The following UBR1 variants were observed in gnomAD, a reference collection of about 807,000 sequenced individuals.
UBR1 encodes ubiquitin protein ligase E3 component n-recognin 1.
In UBR1, 102 loss-of-function variants were observed where a neutral mutation model predicts 242.1. The ratio of observed to expected loss-of-function variants is 0.42; its 90% CI spans 0.36 to 0.50. UBR1 has a LOEUF of 0.50. Among genes scored for constraint, UBR1 ranks in the 20% least tolerant of loss-of-function variants. The pLI is 0.01. For synonymous variants in UBR1, 675 were observed against 684.8 expected (o/e 0.99, Z 0.22); for missense variants, 1,772 against 2,101.8 (o/e 0.84, Z 3.07).
intron 2 of UBR1, among the ~76,000 whole-genome samples, chr15:43,083,376 A>AT (rs141045757): frequency 0.037 from 5,621 of 151,604 alleles, 151 homozygotes; most frequent in Non-Finnish European, 0.052. Flanking sequence ...CAGGATTATT[A>AT]TTTTTTTTTC....
intron 41 of UBR1, 110 bp from the exon 42 acceptor site, chr15:42,964,153 G>C (rs945795036): frequency 1.9e-5 from 15 of 793,422 alleles, no homozygotes; most frequent in East Asian, 2.9e-5. Context: ...CCTTGTAGAG[G>C]GTATATTGCT....
Position 42,954,575 on chromosome 15 carries a change from T to C in UBR1, c.4836-2127A>G, listed in dbSNP as rs2031887654. Reference sequence around the variant, plus strand: ...AGGGGCTCTTTAAGACCTCAAATGATCTTTTATTTTTTGAGACAGTCTTAC... The same window carrying C: ...AGGGGCTCTTTAAGACCTCAAATGACCTTTTATTTTTTGAGACAGTCTTAC... On this transcript the variant is annotated intron_variant, in intron 44 of 46. Coordinates refer to ENST00000290650, the MANE Select transcript of UBR1 (RefSeq NM_174916.3). 2.0e-5 allele frequency among the ~76,000 whole-genome samples: 3 copies of C among 152,084 alleles called. No individual in the cohort carries two copies. In the South Asian group the frequency reaches 6.2e-4, roughly 32 times the overall value.
intron 35 of UBR1, 100 bp from the exon 36 acceptor site, chr15:42,985,042 G>C (rs923437841): frequency 9.9e-7 from 1 of 1,013,248 alleles, no homozygotes; most frequent in Non-Finnish European, 1.4e-6. Flanking sequence ...TTTTTGATGA[G>C]ATGATTTGCA....
chr15:43,103,941 G>C (rs906076365), intron 1 of UBR1, among the ~76,000 whole-genome samples: 2 of 151,714 alleles, frequency 1.3e-5, no homozygotes, highest in African/African-American at 4.9e-5. Context: ...AAGAGAAAGA[G>C]AGAGGTAGAA....
chr15:43,055,358 C>T (rs2033604119), intron 11 of UBR1, among the ~76,000 whole-genome samples: 1 of 152,020 alleles, frequency 6.6e-6, no homozygotes, highest in East Asian at 1.9e-4. Context: ...GCAGGAGAAT[C>T]GCTTGAACCA....
At chr15:42,958,826 C>G (rs961168056) in intron 43 of UBR1, among the ~76,000 whole-genome samples, 2 of 152,136 alleles carry the variant, frequency 1.3e-5, no homozygotes, top group African/African-American at 2.4e-5. Context: ...AACCAATCAA[C>G]CAATTTATTG....
rs59437906 is a variant in UBR1 at position 43,054,350 on chromosome 15, C to CAA, written c.1439+390_1439+391dup. ...TGGGCAACACAGCGAGACCCTGTCTCAAAAAAAAAAAGAAAGAAATTTATG... is the reference window on the plus strand; with the variant it reads ...TGGGCAACACAGCGAGACCCTGTCTCAAAAAAAAAAAAAGAAAGAAATTTATG... On this transcript the variant is annotated intron_variant, in intron 12 of 46. Transcript: ENST00000290650. Among the ~76,000 whole-genome samples the CAA allele has an allele frequency of 8.6e-3, 1,161 of 134,520 alleles. 13 individuals are homozygous for CAA. Among genetic ancestry groups the CAA allele is most frequent in the African/African-American group, 0.029 (1,043 of 36,408 alleles). The allele number at this position is 134,520 out of a possible 152,430, so 88.3% of individuals were successfully genotyped here.
intron 12 of UBR1, 95 bp downstream of exon 12, chr15:43,054,647 G>A (rs1398060057): frequency 2.1e-6 from 3 of 1,412,580 alleles, no homozygotes; most frequent in East Asian, 4.6e-5. Context: ...GAGAATTCTG[G>A]ATAACCAAAA....
At chr15:43,049,919 G>A (rs2033533299) in intron 12 of UBR1, among the ~76,000 whole-genome samples, 1 of 151,934 alleles carries the variant, frequency 6.6e-6, no homozygotes, top group East Asian at 1.9e-4. Flanking sequence ...AACATGTTGG[G>A]CTCTAATTAG....
At chr15:43,068,676 G>C (rs1388806747) in intron 5 of UBR1, among the ~76,000 whole-genome samples, 1 of 151,808 alleles carries the variant, frequency 6.6e-6, no homozygotes, top group Non-Finnish European at 1.5e-5. Flanking sequence ...GCTGGAGTAC[G>C]GTGGCGCAAT....
intron 33 of UBR1, among the ~76,000 whole-genome samples, chr15:42,990,905 T>C (rs754353738): frequency 1.3e-5 from 2 of 152,152 alleles, no homozygotes; most frequent in Non-Finnish European, 2.9e-5. Flanking sequence ...CAAATTCAAA[T>C]GCTATTTCCC....
In UBR1 at chr15:43,019,983, G is replaced by A. The variant is rs183424721; in HGVS notation, c.2940+1292C>T. 4.6e-3 allele frequency among the ~76,000 whole-genome samples: 691 copies of A among 151,778 alleles called. 6 individuals are homozygous for A. The highest frequency in any genetic ancestry group is 7.7e-3 in the African/African-American group (320 of 41,374). ...TCTCCCCTGCTTATTTAATTCACTCGTCTCCAAAGGCAATGCTATCTACTC... is the reference window on the plus strand; with the variant it reads ...TCTCCCCTGCTTATTTAATTCACTCATCTCCAAAGGCAATGCTATCTACTC... On this transcript the variant is annotated intron_variant, in intron 27 of 46. Transcript: ENST00000290650.
At position 43,003,950 on chromosome 15, in the gene UBR1, G is replaced by A; in HGVS notation, c.3416-20C>T. 2 of 1,610,148 alleles carry A rather than the reference G, an allele frequency of 1.2e-6. No homozygotes were observed. The highest frequency in any genetic ancestry group is 8.5e-7 in the Non-Finnish European group (1 of 1,176,394). On this transcript the variant is annotated intron_variant, in intron 30 of 46. Coordinates refer to ENST00000290650, the MANE Select transcript of UBR1 (RefSeq NM_174916.3). ...GGGCTTCTGGTACAAGGTATAAAAA[G>A]GAGGGAAAAAGAGAGACAGGTTATC...
chr15:43,033,117 T>C (rs2033278891), intron 19 of UBR1, among the ~76,000 whole-genome samples: 1 of 152,204 alleles, frequency 6.6e-6, no homozygotes, highest in African/African-American at 2.4e-5. Flanking sequence ...TGCAAGTAAC[T>C]TCTATTTTTT....
chr15:42,981,037 A>G (rs1230610197), intron 37 of UBR1, among the ~76,000 whole-genome samples: 2 of 151,968 alleles, frequency 1.3e-5, no homozygotes, highest in African/African-American at 4.8e-5. Flanking sequence ...CTTGCCCCTG[A>G]CCCAGCCCAC....
intron 19 of UBR1, among the ~76,000 whole-genome samples, chr15:43,034,304 T>A (rs893131733): frequency 1.3e-5 from 2 of 150,562 alleles, no homozygotes; most frequent in Non-Finnish European, 3.0e-5. Context: ...GAGCTGGGCG[T>A]GGTGGCTTAT....
chr15:43,003,541 C>A (rs1162324716), intron 31 of UBR1, among the ~76,000 whole-genome samples: 1 of 152,210 alleles, frequency 6.6e-6, no homozygotes, highest in Non-Finnish European at 1.5e-5. Context: ...CAGGTGTGAG[C>A]CACCACGCCC....
At chr15:43,075,569 C>A (rs2033877649) in intron 3 of UBR1, among the ~76,000 whole-genome samples, 1 of 152,050 alleles carries the variant, frequency 6.6e-6, no homozygotes, top group South Asian at 2.1e-4. Context: ...AGGTATATCT[C>A]CCAATGCTAT....
At position 43,068,024 on chromosome 15, in the gene UBR1, T is replaced by C. The variant is rs1333092560; in HGVS notation, c.672A>G (p.Glu224=). The C allele has an allele frequency of 3.0e-5, 48 of 1,608,766 alleles. No individual in the cohort carries two copies. The highest frequency in any genetic ancestry group is 4.0e-5 in the Non-Finnish European group (47 of 1,176,784). Residue 224 remains glutamate (E), a synonymous_variant, in exon 6 of 47, where the codon GAA becomes GAG. Coordinates refer to ENST00000290650, the MANE Select transcript of UBR1 (RefSeq NM_174916.3). ...PPELQIREKN[E]RYYCVLFNDE... is the part of the protein sequence containing the mutation. The stretch of plus-strand genomic sequence containing the variant: ...CATTGAAAAGGACACAATAGTATCT[T>C]TCATTTTTCTCCCTGTTAGAAAAAA...
Sources: allele counts gnomAD v4.1 joint callset (sites outside exome capture counted in the v4.1 genomes callset), GRCh38; gene constraint gnomAD v4.1.1; transcripts MANE v1.5; gene names NCBI Gene and HGNC (gene_info 2026-07-23, HGNC 2026-07-21).